CDKL2: variants seen among roughly 807,000 people sequenced by gnomAD.
The protein encoded by CDKL2 is cyclin-dependent kinase-like 2.
In CDKL2, 64 loss-of-function variants were observed where a neutral mutation model predicts 63.9. That is an observed-to-expected ratio of 1.00 (90% CI 0.82 to 1.23). The LOEUF (loss-of-function observed/expected upper bound fraction) is 1.23. Ranked by LOEUF, CDKL2 falls within the 50% of genes most tolerant of loss-of-function variation. The probability of loss-of-function intolerance (pLI) is 0.00; values close to 1 mark genes in which losing one functional copy is unlikely to be tolerated. For synonymous variants in CDKL2, 211 were observed against 229.2 expected, an observed-to-expected ratio of 0.92 and a Z score of 0.72; for missense variants, 656 against 668.0, an observed-to-expected ratio of 0.98 and a Z score of 0.20.
chr4:75,600,756 C>T (rs1337787998), intron 6 of CDKL2, among the ~76,000 whole-genome samples: 1 of 152,134 alleles, frequency 6.6e-6, no homozygotes, highest in African/African-American at 2.4e-5. Context: ...ACCACACTTG[C>T]CCGCCAATGA....
rs141065164 is a variant in CDKL2, at chr4:75,623,756, T to C, written c.168+2065A>G. 1.4e-4 allele frequency among the ~76,000 whole-genome samples: 22 copies of C among 152,204 alleles called. No individual in the cohort carries two copies. In the East Asian group the frequency reaches 4.2e-3, roughly 29 times the overall value. Reference sequence around the variant, plus strand: ...CAAGTAAATGGAATAAATGCTCCAATTAAAAGGGAAATATTATCAAACAGG... The same window carrying C: ...CAAGTAAATGGAATAAATGCTCCAACTAAAAGGGAAATATTATCAAACAGG... On this transcript the variant is annotated intron_variant, in intron 2 of 13. Coordinates refer to ENST00000307465, the MANE Select transcript of CDKL2 (RefSeq NM_001330724.2).
At chr4:75,624,838 CA>C (rs1730330461) in intron 2 of CDKL2, among the ~76,000 whole-genome samples, 2 of 152,164 alleles carry the variant, frequency 1.3e-5, no homozygotes, top group Non-Finnish European at 2.9e-5. Flanking sequence ...AGCCTGGTAA[CA>C]GAGTGAGACT....
intron 7 of CDKL2, among the ~76,000 whole-genome samples, chr4:75,598,473 T>C (rs1729037678): frequency 6.6e-6 from 1 of 151,844 alleles, no homozygotes; most frequent in Non-Finnish European, 1.5e-5. Flanking sequence ...CAGGTTAACA[T>C]GAAAGCAGTG....
At chr4:75,600,232 C>T in intron 7 of CDKL2, 49 bp downstream of exon 7, 1 of 1,234,578 alleles carries the variant, frequency 8.1e-7, no homozygotes, top group Non-Finnish European at 1.2e-6. Context: ...TTGTGGAAGA[C>T]TTTAACCCTA....
At chr4:75,623,420 AG>A (rs1386079793) in intron 2 of CDKL2, among the ~76,000 whole-genome samples, 1 of 152,240 alleles carries the variant, frequency 6.6e-6, no homozygotes, top group Non-Finnish European at 1.5e-5. Context: ...GTGGGGAAAA[AG>A]ATGGTATTTT....
chr4:75,585,797 TAA>T (rs1255493820), intron 12 of CDKL2, among the ~76,000 whole-genome samples: 6 of 151,998 alleles, frequency 3.9e-5, no homozygotes, highest in African/African-American at 1.5e-4. Context: ...CAAACAGATA[TAA>T]GAGAGAAATA....
chr4:75,584,697 C>T (rs983799214), intron 12 of CDKL2, among the ~76,000 whole-genome samples: 2 of 152,138 alleles, frequency 1.3e-5, no homozygotes, highest in East Asian at 3.9e-4. Flanking sequence ...GCCTAGACAG[C>T]TACTAAGCAA....
At chr4:75,594,447 CG>C (rs1449757977) in intron 10 of CDKL2, among the ~76,000 whole-genome samples, 1 of 140,656 alleles carries the variant, frequency 7.1e-6, no homozygotes, top group East Asian at 2.0e-4. Flanking sequence ...GATTCTGACT[CG>C]AAAAAAAAAA....
chr4:75,617,876 A>G (rs1729994958), intron 2 of CDKL2, among the ~76,000 whole-genome samples: 1 of 152,000 alleles, frequency 6.6e-6, no homozygotes, highest in Non-Finnish European at 1.5e-5. Context: ...GCCAAGGCGG[A>G]CGGATCACGA....
At chr4:75,599,345 T>C (rs1333702846) in intron 7 of CDKL2, among the ~76,000 whole-genome samples, 2 of 152,086 alleles carry the variant, frequency 1.3e-5, no homozygotes, top group East Asian at 3.9e-4. Context: ...GCAGATCACC[T>C]GAGGTCAGGA....
At chr4:75,627,955 C>T (rs1166008705) in intron 1 of CDKL2, among the ~76,000 whole-genome samples, 1 of 149,684 alleles carries the variant, frequency 6.7e-6, no homozygotes, top group Non-Finnish European at 1.5e-5. Flanking sequence ...AGAGTAATGA[C>T]ATCGGTATAT....
At chr4:75,601,192 A>C (rs1183942538) in intron 6 of CDKL2, among the ~76,000 whole-genome samples, 2 of 152,212 alleles carry the variant, frequency 1.3e-5, no homozygotes, top group African/African-American at 2.4e-5. Context: ...AAATTAATGA[A>C]ACTTTAAACA....
chr4:75,583,680 T>C (rs1165221766), intron 12 of CDKL2, among the ~76,000 whole-genome samples: 3 of 152,166 alleles, frequency 2.0e-5, no homozygotes, highest in African/African-American at 7.2e-5. Flanking sequence ...CTGTCCTTTA[T>C]AGGTATGTCA....
rs1729833378 is a variant in CDKL2 at position 75,614,328 on chromosome 4, C to A, written c.290G>T (p.Gly97Val). 1 of 1,611,414 alleles carries A rather than the reference C, an allele frequency of 6.2e-7. No homozygotes were observed. The highest frequency in any genetic ancestry group is 1.3e-5 in the African/African-American group (1 of 74,846). The change falls in exon 3 of 14, where the codon GGA becomes GTA. Residue 97 changes from glycine to valine, a missense_variant. Physicochemically the swap from Gly to Val is moderately radical, Grantham distance 109. Transcript: ENST00000307465. ...ILDDLELFPN[G>V]LDYQVVQKYL... is the part of the protein sequence containing the mutation. ...CTTTTGAACTACTTGGTAGTCTAGTCCATTTGGAAAGAGCTCCAAGTCATC... is the reference window on the plus strand; with the variant it reads ...CTTTTGAACTACTTGGTAGTCTAGTACATTTGGAAAGAGCTCCAAGTCATC...
At chr4:75,600,580 C>A (rs1341637027) in intron 6 of CDKL2, among the ~76,000 whole-genome samples, 1 of 151,980 alleles carries the variant, frequency 6.6e-6, no homozygotes, top group Non-Finnish European at 1.5e-5. Context: ...CCATCTCAGT[C>A]TCCTGAGTAG....
chr4:75,592,114 G>T, intron 11 of CDKL2, 32 bp downstream of exon 11: 1 of 1,504,878 alleles, frequency 6.6e-7, no homozygotes, highest in South Asian at 1.3e-5. Context: ...AATCTAAACA[G>T]ACTACACAAA....
chr4:75,594,437 G>A (rs1229535370), intron 10 of CDKL2, among the ~76,000 whole-genome samples: 1 of 150,130 alleles, frequency 6.7e-6, no homozygotes, highest in Non-Finnish European at 1.5e-5. Context: ...GACAGAGCGA[G>A]ATTCTGACTC....
chr4:75,622,762 A>C (rs1200297170), intron 2 of CDKL2, among the ~76,000 whole-genome samples: 1 of 150,986 alleles, frequency 6.6e-6, no homozygotes, highest in African/African-American at 2.4e-5. Flanking sequence ...GAAGACCAAG[A>C]AACAAAAGGA....
chr4:75,594,849 G>C (rs571013481), intron 10 of CDKL2, among the ~76,000 whole-genome samples: 1 of 152,334 alleles, frequency 6.6e-6, no homozygotes, highest in South Asian at 2.1e-4. Context: ...GATGGAGAAA[G>C]AGTAGGTGGA....
Sources: gnomAD v4.1 joint callset for allele counts (sites outside exome capture counted in the v4.1 genomes callset) on GRCh38, gnomAD v4.1.1 for gene constraint, MANE v1.5 for transcripts, NCBI Gene and HGNC (gene_info 2026-07-23, HGNC 2026-07-21) for gene names.